The following EML6 variants were observed in gnomAD, a reference collection of about 807,000 sequenced individuals.
The protein encoded by EML6 is EMAP like 6, also known as echinoderm microtubule-associated protein-like 6.
In EML6, 154 loss-of-function variants were observed where a neutral mutation model predicts 240.1. That is an observed-to-expected ratio of 0.64 (90% CI 0.56 to 0.73). EML6 has a LOEUF of 0.73. EML6 is among the 30% of genes least tolerant of loss of function. The pLI is 0.00. For missense variants in EML6, 2,964 were observed against 2,474.6 expected (o/e 1.20, Z -4.20); for synonymous variants, 1,148 against 899.0 (o/e 1.28, Z -4.95).
Position 54,903,120 on chromosome 2 carries a change from A to G in EML6, c.3201A>G (p.Val1067=). 1 of 1,551,796 alleles carries G rather than the reference A, an allele frequency of 6.4e-7. No individual in the cohort carries two copies. The stretch of plus-strand genomic sequence containing the variant: ...TGAACGATGGGAGTTTCCTGGTGGT[A>G]AATGCTGACACTGTTGAAGACATGG... The part of the protein sequence containing the change: ...VGLNDGSFLV[V]NADTVEDMVS... The change falls in exon 23 of 42, where the codon GTA becomes GTG. Residue 1067 remains valine, a synonymous_variant. Coordinates refer to ENST00000356458, the MANE Select transcript of EML6 (RefSeq NM_001039753.4).
chr2:54,759,636 A>C (rs1384652927), intron 2 of EML6, among the ~76,000 whole-genome samples: 3 of 152,080 alleles, frequency 2.0e-5, no homozygotes, highest in Admixed American at 6.6e-5. Context: ...AAAACTCTAA[A>C]AACTTTACAT....
chr2:54,934,042 T>A (rs1675002959), intron 28 of EML6, among the ~76,000 whole-genome samples: 1 of 152,158 alleles, frequency 6.6e-6, no homozygotes, highest in Non-Finnish European at 1.5e-5. Context: ...CACTGGTCCA[T>A]AGCGTATTGT....
At chr2:54,856,333 A>G (rs1448103100) in intron 11 of EML6, among the ~76,000 whole-genome samples, 1 of 152,176 alleles carries the variant, frequency 6.6e-6, no homozygotes, top group African/African-American at 2.4e-5. Flanking sequence ...TAGCCTTGGT[A>G]CGCACCCCTA....
Position 54,916,846 on chromosome 2 carries a change from G to A in EML6, c.3586G>A (p.Val1196Ile), listed in dbSNP as rs771804091. 2.2e-5 allele frequency: 34 copies of A among 1,550,908 alleles called. No homozygotes were observed. In the South Asian group the frequency reaches 3.2e-4, roughly 15 times the overall value. ...GCCAGCACATAGCGATATAACTGAC[G>A]TAAATGCTGCCAGTCTTACCAAAGA... ...IWPAHSDITD[V>I]NAASLTKDCS... Residue 1196 changes from valine (V) to isoleucine (I), a missense_variant, in exon 26 of 42, where the codon GTA (valine) becomes ATA (isoleucine). Val to Ile is a conservative substitution (Grantham distance 29, BLOSUM62 3). Coordinates refer to ENST00000356458, the MANE Select transcript of EML6 (RefSeq NM_001039753.4).
chr2:54,754,613 T>A (rs1684321530), intron 2 of EML6, among the ~76,000 whole-genome samples: 2 of 152,362 alleles, frequency 1.3e-5, no homozygotes, highest in South Asian at 4.1e-4. Flanking sequence ...ATTTCAAATA[T>A]CTTCTCCCAT....
intron 2 of EML6, among the ~76,000 whole-genome samples, chr2:54,743,576 A>G (rs1050765675): frequency 1.3e-5 from 2 of 152,180 alleles, no homozygotes; most frequent in South Asian, 2.1e-4. Flanking sequence ...TGTTCTTTCT[A>G]TTACATGGGA....
chr2:54,960,895 C>T (rs1340033966), intron 35 of EML6, among the ~76,000 whole-genome samples: 1 of 152,084 alleles, frequency 6.6e-6, no homozygotes, highest in Non-Finnish European at 1.5e-5. Flanking sequence ...GGACCTGGAC[C>T]TGTATGTTTC....
chr2:54,856,684 G>A (rs1403911738), intron 11 of EML6, among the ~76,000 whole-genome samples: 3 of 152,204 alleles, frequency 2.0e-5, no homozygotes, highest in East Asian at 1.9e-4. Context: ...GTTGCGTACC[G>A]TGACATTGGA....
chr2:54,938,550 A>G (rs536271799), intron 28 of EML6, among the ~76,000 whole-genome samples: 8 of 152,264 alleles, frequency 5.3e-5, no homozygotes, highest in African/African-American at 1.9e-4. Flanking sequence ...CACATACCCA[A>G]ATGTTTAGCA....
chr2:54,734,845 AG>A (rs1203578643), intron 2 of EML6, among the ~76,000 whole-genome samples: 3 of 152,174 alleles, frequency 2.0e-5, no homozygotes, highest in African/African-American at 7.2e-5. Flanking sequence ...AATTTTCCTA[AG>A]GCTAGATTTA....
intron 35 of EML6, among the ~76,000 whole-genome samples, chr2:54,961,840 C>T (rs1337885360): frequency 1.3e-5 from 2 of 151,568 alleles, no homozygotes; most frequent in Non-Finnish European, 2.9e-5. Context: ...CCCATCTCTA[C>T]TAAAAATACA....
At chr2:54,882,300 C>A (rs1399230702) in intron 17 of EML6, 2 of 135,510 alleles carry the variant, frequency 1.5e-5, no homozygotes, top group Non-Finnish European at 3.1e-5. Context: ...CCCTAAAGAT[C>A]ATTCCAATTT....
At chr2:54,828,769 C>G (rs1447684646) in intron 6 of EML6, among the ~76,000 whole-genome samples, 1 of 152,178 alleles carries the variant, frequency 6.6e-6, no homozygotes, top group Non-Finnish European at 1.5e-5. Context: ...AAAGTATTTT[C>G]CTGTGGAGGA....
At position 54,894,945 on chromosome 2, in the gene EML6, G is replaced by C. The variant is rs1297054444; in HGVS notation, c.2773G>C (p.Val925Leu). The change falls in exon 20 of 42, where the codon GTG (valine) becomes CTG (leucine). Residue 925 changes from valine (V) to leucine (L), a missense_variant. Transcript: ENST00000356458. ...GFVTGGKDGI[V>L]ELWDDMFERC... Reference sequence around the variant, plus strand: ...TGTAACAGGTGGAAAGGACGGCATCGTGGAGCTCTGGGATGATATGTTTGA... The same window carrying C: ...TGTAACAGGTGGAAAGGACGGCATCCTGGAGCTCTGGGATGATATGTTTGA... The C allele has an allele frequency of 2.6e-6, 4 of 1,551,226 alleles. No individual in the cohort carries two copies. Among genetic ancestry groups the C allele is most frequent in the South Asian group, 1.2e-5 (1 of 84,046 alleles).
At position 54,964,363 on chromosome 2, in the gene EML6, G is replaced by T. The variant is rs572810714; in HGVS notation, c.5330+205G>T. Among the ~76,000 whole-genome samples, 4 of 152,362 alleles carry T rather than the reference G, an allele frequency of 2.6e-5. No individual in the cohort carries two copies. In the South Asian group the frequency reaches 8.3e-4, roughly 32 times the overall value. On this transcript the variant is annotated intron_variant, in intron 37 of 41. Transcript: ENST00000356458. ...CATAAAAGTGTGGTTAAAATTACTTGTAAATGTCATTCTACATATTTCCCG... is the reference window on the plus strand; with the variant it reads ...CATAAAAGTGTGGTTAAAATTACTTTTAAATGTCATTCTACATATTTCCCG...
chr2:54,957,935 A>G lies in EML6; in HGVS notation c.4632A>G (p.Lys1544=), dbSNP rs536828402. 2.0e-4 allele frequency: 313 copies of G among 1,551,660 alleles called. No individual in the cohort carries two copies. In the African/African-American group the frequency reaches 3.8e-3, roughly 19 times the overall value. Residue 1544 remains lysine, a synonymous_variant, in exon 33 of 42, where the codon AAA becomes AAG. Transcript: ENST00000356458. ...TLAGSALLYK[K]GVIGSLGAAK... is the part of the protein sequence containing the mutation. ...CAGGCAGCGCCTTGCTTTACAAGAA[A>G]GGGGTCATCGGGTCCCTGGGAGCTG...
intron 2 of EML6, among the ~76,000 whole-genome samples, chr2:54,785,252 CACA>C (rs1410458238): frequency 6.7e-6 from 1 of 149,928 alleles, no homozygotes; most frequent in African/African-American, 2.5e-5. Context: ...CTCGGCTCAC[CACA>C]ACGTCTGCCA....
chr2:54,803,653 A>G (rs1174886759), intron 2 of EML6, among the ~76,000 whole-genome samples: 1 of 152,240 alleles, frequency 6.6e-6, no homozygotes, highest in Non-Finnish European at 1.5e-5. Flanking sequence ...TGATTAAGGT[A>G]TCAAAACGGC....
intron 2 of EML6, among the ~76,000 whole-genome samples, chr2:54,728,081 A>G (rs1682988658): frequency 6.6e-6 from 1 of 152,228 alleles, no homozygotes; most frequent in African/African-American, 2.4e-5. Flanking sequence ...ATTACTTTTT[A>G]ATTCAGATAA....
Sources: gnomAD v4.1 joint callset for allele counts (sites outside exome capture counted in the v4.1 genomes callset) on GRCh38, gnomAD v4.1.1 for gene constraint, MANE v1.5 for transcripts, NCBI Gene and HGNC (gene_info 2026-07-23, HGNC 2026-07-21) for gene names.